The following ZNF385D variants were observed in gnomAD, a reference collection of about 807,000 sequenced individuals.
The protein encoded by ZNF385D is zinc finger protein 659.
A neutral mutation model predicts 35.8 loss-of-function variants in ZNF385D; 15 were observed. That is an observed-to-expected ratio of 0.42 (90% confidence interval 0.28 to 0.64). The LOEUF (loss-of-function observed/expected upper bound fraction) is 0.64, where lower values mean the gene tolerates loss of function less well. Among genes scored for constraint, ZNF385D ranks in the 30% least tolerant of loss-of-function variants. ZNF385D has a pLI of 0.23. For synonymous variants in ZNF385D, 212 were observed against 186.8 expected (o/e 1.13, Z -1.10); for missense variants, 474 against 494.6 (o/e 0.96, Z 0.39).
At chr3:21,849,302 C>A (rs1696221937) in intron 3 of ZNF385D, among the ~76,000 whole-genome samples, 1 of 152,012 alleles carries the variant, frequency 6.6e-6, no homozygotes, top group Non-Finnish European at 1.5e-5. Context: ...AAAGAGAATT[C>A]TAAATTGATT....
Position 21,730,193 on chromosome 3 carries a change from C to T in ZNF385D, c.22+20702G>A, listed in dbSNP as rs1420276228. On this transcript the variant is annotated intron_variant, in intron 1 of 7. Transcript: ENST00000281523. ...GAAACTGAACAACCTGACCACAGAG[C>T]ATAGGATCAAAATCATTTCTCAGCA... Among the ~76,000 whole-genome samples the T allele has an allele frequency of 3.9e-5, 6 of 152,286 alleles. No homozygotes were observed. The East Asian group carries it at 1.2e-3, about 29-fold the overall frequency.
At chr3:21,578,588 C>T (rs1214316530) in intron 2 of ZNF385D, among the ~76,000 whole-genome samples, 1 of 152,064 alleles carries the variant, frequency 6.6e-6, no homozygotes, top group Non-Finnish European at 1.5e-5. Flanking sequence ...ATCTAAGAGA[C>T]TGTCCTGCCC....
intron 3 of ZNF385D, among the ~76,000 whole-genome samples, chr3:22,115,981 A>G (rs188244956): frequency 1.3e-5 from 2 of 152,224 alleles, no homozygotes; most frequent in East Asian, 1.9e-4. Flanking sequence ...TGGAAGCTAA[A>G]TAATGACCTA....
chr3:21,659,636 C>T (rs956846540), intron 2 of ZNF385D, among the ~76,000 whole-genome samples: 3 of 152,042 alleles, frequency 2.0e-5, no homozygotes, highest in African/African-American at 4.8e-5. Context: ...AAATTTCCCC[C>T]GTCTGTCCTC....
chr3:21,772,082 A>G (rs2071099641), intron 3 of ZNF385D, among the ~76,000 whole-genome samples: 1 of 151,972 alleles, frequency 6.6e-6, no homozygotes, highest in South Asian at 2.1e-4. Flanking sequence ...TTAAGTCACA[A>G]TGGATTAAAG....
intron 2 of ZNF385D, among the ~76,000 whole-genome samples, chr3:22,251,591 C>G (rs565225956): frequency 6.6e-6 from 1 of 152,060 alleles, no homozygotes; most frequent in Non-Finnish European, 1.5e-5. Flanking sequence ...TTCTCCTGAG[C>G]CAGCATCCCT....
intron 2 of ZNF385D, among the ~76,000 whole-genome samples, chr3:21,603,895 C>T (rs1462600992): frequency 1.3e-5 from 2 of 151,998 alleles, no homozygotes; most frequent in Non-Finnish European, 2.9e-5. Flanking sequence ...GGCATAGCCA[C>T]GCAATTAGTT....
chr3:21,766,090 C>A (rs1208680239), intron 3 of ZNF385D, among the ~76,000 whole-genome samples: 1 of 152,042 alleles, frequency 6.6e-6, no homozygotes, highest in East Asian at 1.9e-4. Context: ...GTCAGTCATA[C>A]TGGGAGAATC....
chr3:21,859,417 A>C (rs994709029), intron 3 of ZNF385D, among the ~76,000 whole-genome samples: 2 of 151,936 alleles, frequency 1.3e-5, no homozygotes, highest in Non-Finnish European at 1.5e-5. Context: ...GAAAAAAAAA[A>C]AAACTGAAAA....
chr3:21,865,358 C>A (rs1231289599), intron 3 of ZNF385D, among the ~76,000 whole-genome samples: 1 of 151,532 alleles, frequency 6.6e-6, no homozygotes, highest in Non-Finnish European at 1.5e-5. Context: ...CTGAAGTTTG[C>A]TTTTGCATCA....
In ZNF385D at chr3:21,917,667, C is replaced by A. The variant is rs112538725; in HGVS notation, c.325+251150G>T. ...AGTTTTAAAGTCATATACACAGGAA[C>A]AGAAAAAAATTTGTCATGGATTCTT... On this transcript the variant is annotated intron_variant, in intron 3 of 5. Transcript: ENST00000494108. 2.3e-3 allele frequency among the ~76,000 whole-genome samples: 349 copies of A among 152,110 alleles called. 2 individuals are homozygous for A. Among genetic ancestry groups the A allele is most frequent in the African/African-American group, 8.0e-3 (330 of 41,500 alleles).
At chr3:21,836,267 T>C (rs933036565) in intron 3 of ZNF385D, among the ~76,000 whole-genome samples, 2 of 152,138 alleles carry the variant, frequency 1.3e-5, no homozygotes, top group African/African-American at 4.8e-5. Context: ...CATTAAATCA[T>C]TTTCGTGTCA....
At chr3:21,857,471 G>T (rs773854162) in intron 3 of ZNF385D, among the ~76,000 whole-genome samples, 1 of 151,978 alleles carries the variant, frequency 6.6e-6, no homozygotes, top group Non-Finnish European at 1.5e-5. Context: ...GAGTACACAG[G>T]GTGTGTGGTT....
intron 3 of ZNF385D, among the ~76,000 whole-genome samples, chr3:21,759,096 G>C (rs1470175693): frequency 1.3e-5 from 2 of 149,578 alleles, no homozygotes; most frequent in Non-Finnish European, 3.0e-5. Context: ...TCTCAGTTGA[G>C]GAAATGAAGC....
intron 3 of ZNF385D, among the ~76,000 whole-genome samples, chr3:22,106,200 A>G (rs573560738): frequency 6.6e-6 from 1 of 152,250 alleles, no homozygotes; most frequent in East Asian, 1.9e-4. Context: ...AATCACTGCC[A>G]TAAATATTAG....
chr3:21,773,715 A>C (rs1301915891), intron 3 of ZNF385D, among the ~76,000 whole-genome samples: 1 of 151,972 alleles, frequency 6.6e-6, no homozygotes, highest in Non-Finnish European at 1.5e-5. Context: ...TCAAAACTAC[A>C]ATAGATACCA....
At chr3:21,686,368 T>C (rs1157633655) in intron 1 of ZNF385D, among the ~76,000 whole-genome samples, 1 of 152,170 alleles carries the variant, frequency 6.6e-6, no homozygotes. Flanking sequence ...AGCCACGGAA[T>C]TGTAAAAAAA....
chr3:22,323,027 T>C (rs1490822342), intron 2 of ZNF385D, among the ~76,000 whole-genome samples: 1 of 152,108 alleles, frequency 6.6e-6, no homozygotes, highest in Non-Finnish European at 1.5e-5. Flanking sequence ...CTGAAAACGA[T>C]AGAAAGCAGG....
chr3:22,008,360 C>CATTTTTTTTTTTTTTTTT lies in ZNF385D; in HGVS notation c.325+160456_325+160457insAAAAAAAAAAAAAAAAAT, dbSNP rs773952386. Among the ~76,000 whole-genome samples the CATTTTTTTTTTTTTTTTT allele has an allele frequency of 2.0e-4, 26 of 131,932 alleles. 8 individuals are homozygous for CATTTTTTTTTTTTTTTTT. The highest frequency in any genetic ancestry group is 3.0e-4 in the African/African-American group (10 of 33,068). 86.6% of individuals were successfully genotyped at this position (131,932 alleles called of 152,430 possible). A position where few individuals can be genotyped will look rare whatever the true frequency, so the allele number is the denominator to read the frequency against. ...TCACTTTCATACAGGCCATGATTTT[C>CATTTTTTTTTTTTTTTTT]TTTTTTTTTTTTGAGGCGGAGTCTC... is the stretch of plus-strand genomic sequence containing the variant. On this transcript the variant is annotated intron_variant, in intron 3 of 5. Transcript: ENST00000494108.
Sources: allele counts gnomAD v4.1 joint callset (sites outside exome capture counted in the v4.1 genomes callset), GRCh38; gene constraint gnomAD v4.1.1; transcripts MANE v1.5; gene names NCBI Gene and HGNC (gene_info 2026-07-23, HGNC 2026-07-21).